Variants in GPM6A observed in about 807,000 individuals in gnomAD.
GPM6A encodes glycoprotein M6A.
A neutral mutation model predicts 32.1 loss-of-function variants in GPM6A; 7 were observed. The ratio of observed to expected loss-of-function variants is 0.22; its 90% CI spans 0.12 to 0.41. The LOEUF (loss-of-function observed/expected upper bound fraction) is 0.41, where lower values mean the gene tolerates loss of function less well. Among genes scored for constraint, GPM6A ranks in the 10% least tolerant of loss-of-function variants. GPM6A has a pLI of 1.00. For missense variants in GPM6A, 235 were observed against 347.2 expected, an observed-to-expected ratio of 0.68 and a Z score of 2.57; for synonymous variants, 130 against 123.4, an observed-to-expected ratio of 1.05 and a Z score of -0.35.
At chr4:175,856,306 C>G (rs1373129703) in intron 1 of GPM6A, among the ~76,000 whole-genome samples, 1 of 152,174 alleles carries the variant, frequency 6.6e-6, no homozygotes, top group East Asian at 1.9e-4. Context: ...GGACTTGCAA[C>G]AGGGTGTGAC....
rs558532660 is a variant in GPM6A at position 175,975,165 on chromosome 4, T to C, written c.-23+27144A>G. On this transcript the variant is annotated intron_variant, in intron 1 of 7. Transcript: ENST00000280187. ...CTGAGCAGCAGCCTCTCTTGCACTT[T>C]GCCTGTATACAGGTAAATCTGTCCA... is the stretch of plus-strand genomic sequence containing the variant. 7.2e-5 allele frequency among the ~76,000 whole-genome samples: 11 copies of C among 152,334 alleles called. No individual in the cohort carries two copies. In the Middle Eastern group the frequency reaches 0.014, roughly 188 times the overall value.
chr4:175,780,299 C>T lies in GPM6A; in HGVS notation c.37+31892G>A, dbSNP rs527460371. On this transcript the variant is annotated intron_variant, in intron 1 of 6. Coordinates refer to ENST00000393658, the MANE Select transcript of GPM6A (RefSeq NM_201591.3). ...CTGACCTCAGGTGATCCACCTGCCT[C>T]GGCCTCTCAAAGTGCTGGGATTACA... Among the ~76,000 whole-genome samples, 8 of 152,226 alleles carry T rather than the reference C, an allele frequency of 5.3e-5. No homozygotes were observed. In the East Asian group the frequency reaches 7.7e-4, roughly 15 times the overall value.
At chr4:176,002,148 T>C (rs965746229) in intron 1 of GPM6A, among the ~76,000 whole-genome samples, 1 of 144,492 alleles carries the variant, frequency 6.9e-6, no homozygotes, top group Middle Eastern at 3.5e-3. Flanking sequence ...GAAAAAAAAG[T>C]CCGGAGACAA....
intron 3 of GPM6A, among the ~76,000 whole-genome samples, chr4:175,667,570 T>A (rs1742820469): frequency 2.0e-5 from 3 of 152,144 alleles, no homozygotes; most frequent in African/African-American, 7.2e-5. Context: ...TAGTTAACAA[T>A]AGTGTATCAC....
chr4:175,929,462 A>G (rs1177043408), intron 1 of GPM6A, among the ~76,000 whole-genome samples: 1 of 152,214 alleles, frequency 6.6e-6, no homozygotes, highest in Non-Finnish European at 1.5e-5. Context: ...GTGTAAAACA[A>G]AGATAAACTC....
chr4:175,832,801 A>C (rs970601071), intron 1 of GPM6A, among the ~76,000 whole-genome samples: 4 of 152,234 alleles, frequency 2.6e-5, no homozygotes, highest in Non-Finnish European at 1.5e-5. Context: ...AACCAGCTAC[A>C]ACCACCTAAA....
At chr4:175,766,978 T>A (rs976995832) in intron 1 of GPM6A, among the ~76,000 whole-genome samples, 6 of 152,026 alleles carry the variant, frequency 3.9e-5, no homozygotes, top group Admixed American at 3.3e-4. Context: ...TACCTCTGAG[T>A]TTCCCCTCTA....
chr4:175,950,895 G>C (rs530214067), intron 1 of GPM6A, among the ~76,000 whole-genome samples: 2 of 152,224 alleles, frequency 1.3e-5, no homozygotes, highest in South Asian at 2.1e-4. Context: ...ATTTAGTTGA[G>C]TAAGAAAGTA....
intron 1 of GPM6A, among the ~76,000 whole-genome samples, chr4:175,841,123 G>C (rs144303084): frequency 8.6e-4 from 131 of 152,240 alleles, no homozygotes; most frequent in African/African-American, 3.0e-3. Context: ...AAGATAAGTG[G>C]CTGCTAAATT....
At position 175,806,304 on chromosome 4, in the gene GPM6A, T is replaced by C. The variant is rs564196342; in HGVS notation, c.37+5887A>G. On this transcript the variant is annotated intron_variant, in intron 1 of 6. Coordinates refer to ENST00000393658, the MANE Select transcript of GPM6A (RefSeq NM_201591.3). ...AGAAGCCATCACTCCAAGGACACTATCAATATCTATCTATCTATCACGCTG... is the reference window on the plus strand; with the variant it reads ...AGAAGCCATCACTCCAAGGACACTACCAATATCTATCTATCTATCACGCTG... Among the ~76,000 whole-genome samples, 3 of 152,356 alleles carry C rather than the reference T, an allele frequency of 2.0e-5. No homozygotes were observed. The East Asian group carries it at 5.8e-4, about 29-fold the overall frequency.
At chr4:175,990,359 T>C (rs1221340718) in intron 1 of GPM6A, among the ~76,000 whole-genome samples, 1 of 152,176 alleles carries the variant, frequency 6.6e-6, no homozygotes, top group Non-Finnish European at 1.5e-5. Context: ...CCTCCATCGA[T>C]GTCCTCCATT....
intron 1 of GPM6A, among the ~76,000 whole-genome samples, chr4:175,849,616 C>T (rs1736191538): frequency 6.6e-6 from 1 of 152,168 alleles, no homozygotes; most frequent in African/African-American, 2.4e-5. Context: ...AACAGTTGTA[C>T]TATACTAATA....
chr4:175,890,845 C>G (rs1157795574), intron 1 of GPM6A, among the ~76,000 whole-genome samples: 1 of 152,106 alleles, frequency 6.6e-6, no homozygotes, highest in Non-Finnish European at 1.5e-5. Flanking sequence ...CATGAGCCAT[C>G]ACACCCCTCT....
chr4:175,701,859 G>A, intron 1 of GPM6A, 92 bp from the exon 2 acceptor site: 1 of 805,850 alleles, frequency 1.2e-6, no homozygotes, highest in East Asian at 2.6e-5. Flanking sequence ...AAGTATATTT[G>A]CACTGACAAT....
At chr4:175,804,901 T>C (rs1211333878) in intron 1 of GPM6A, among the ~76,000 whole-genome samples, 2 of 151,750 alleles carry the variant, frequency 1.3e-5, no homozygotes, top group Non-Finnish European at 2.9e-5. Context: ...AAAAATTAGC[T>C]GGGTGTGGTG....
chr4:175,641,172 G>A (rs1208958499), intron 4 of GPM6A: 2 of 247,144 alleles, frequency 8.1e-6, no homozygotes, highest in Non-Finnish European at 1.6e-5. Flanking sequence ...CTATGCCCCA[G>A]ACTGTGCTGA....
At chr4:175,963,840 T>C (rs981806433) in intron 1 of GPM6A, among the ~76,000 whole-genome samples, 1 of 152,088 alleles carries the variant, frequency 6.6e-6, no homozygotes, top group South Asian at 2.1e-4. Context: ...CTGACACCAA[T>C]GTTATAAGAG....
At chr4:175,918,047 C>A (rs1219080515) in intron 1 of GPM6A, among the ~76,000 whole-genome samples, 1 of 151,850 alleles carries the variant, frequency 6.6e-6, no homozygotes, top group Admixed American at 6.6e-5. Context: ...TACCATAATT[C>A]TTTTCCTAAC....
At chr4:175,953,823 C>T (rs1453333302) in intron 1 of GPM6A, among the ~76,000 whole-genome samples, 8 of 152,026 alleles carry the variant, frequency 5.3e-5, no homozygotes, top group Non-Finnish European at 8.8e-5. Flanking sequence ...TGCTTGAACC[C>T]GGGAGGTGGG....
Sources: allele counts gnomAD v4.1 joint callset (sites outside exome capture counted in the v4.1 genomes callset), GRCh38; gene constraint gnomAD v4.1.1; transcripts MANE v1.5; gene names NCBI Gene and HGNC (gene_info 2026-07-23, HGNC 2026-07-21).